Variants in FAM120C observed in about 807,000 individuals in gnomAD.
FAM120C encodes the protein constitutive coactivator of PPAR-gamma-like protein 2.
FAM120C carries 14 observed loss-of-function variants against 71.2 expected under a neutral mutation model. That is an observed-to-expected ratio of 0.20 (90% CI 0.13 to 0.31). The LOEUF is 0.31. FAM120C is among the 10% of genes least tolerant of loss of function. FAM120C has a pLI of 1.00. For missense variants in FAM120C, 500 were observed against 879.0 expected, an observed-to-expected ratio of 0.57 and a Z score of 5.45; for synonymous variants, 354 against 353.2, an observed-to-expected ratio of 1.00 and a Z score of -0.03.
chrX:54,146,682 A>AAATG (rs782058105), intron 4 of FAM120C, among the ~76,000 whole-genome samples: 7 of 111,513 alleles, frequency 6.3e-5, no homozygotes, highest in Non-Finnish European at 9.4e-5. Flanking sequence ...CTCTGTCTCT[A>AAATG]AATGAATGAA....
At chrX:54,111,041 C>T (rs1557125633) in intron 10 of FAM120C, among the ~76,000 whole-genome samples, 1 of 106,826 alleles carries the variant, frequency 9.4e-6, no homozygotes, top group Non-Finnish European at 1.9e-5. Flanking sequence ...GACTGGGTGA[C>T]AGAGCGAGAC....
At chrX:54,107,146 G>T (rs1457790010) in intron 10 of FAM120C, among the ~76,000 whole-genome samples, 2 of 109,547 alleles carry the variant, frequency 1.8e-5, no homozygotes, top group African/African-American at 3.3e-5. Context: ...GCCCAGTCTG[G>T]AGTACAGTGG....
rs1488845146 is a variant in FAM120C at position 54,068,629 on chromosome X, C to CAGGAGAGGAG, written c.*4394_*4403dup. 4.5e-5 allele frequency: 5 copies of CAGGAGAGGAG among 111,472 alleles called. No homozygotes were observed. Among genetic ancestry groups the CAGGAGAGGAG allele is most frequent in the Non-Finnish European group, 1.9e-5 (1 of 53,206 alleles). The allele number at this position is 111,472 out of a possible 1,213,427, so 9.2% of individuals were successfully genotyped here. ...TCCACTAAACACACTGTCAAAAGCA[C>CAGGAGAGGAG]AGGAGAGGAGATAGTAATACAGGAA... is the stretch of plus-strand genomic sequence containing the variant. On this transcript the variant is annotated 3_prime_UTR_variant, in exon 16 of 16. Transcript: ENST00000375180.
intron 11 of FAM120C, 122 bp from the exon 12 acceptor site, chrX:54,088,086 C>T (rs1557122189): frequency 3.7e-6 from 2 of 542,016 alleles, no homozygotes; most frequent in Admixed American, 3.5e-5. Flanking sequence ...TCAATGTAGA[C>T]ATCTCAGTGC....
intron 10 of FAM120C, among the ~76,000 whole-genome samples, chrX:54,113,101 A>C (rs1345047293): frequency 9.0e-6 from 1 of 111,273 alleles, no homozygotes; most frequent in Non-Finnish European, 1.9e-5. Flanking sequence ...TGAACTATAA[A>C]AATCCTAGAA....
rs1025306618 is a variant in FAM120C at position 54,068,775 on chromosome X, A to G, written c.*4258T>C. The G allele has an allele frequency of 3.3e-4, 32 of 96,592 alleles. No individual in the cohort carries two copies. The highest frequency in any genetic ancestry group is 2.8e-3 in the Admixed American group (23 of 8,331). 8.0% of individuals were successfully genotyped at this position (96,592 alleles called of 1,213,427 possible). A position where few individuals can be genotyped will look rare whatever the true frequency, so the allele number is the denominator to read the frequency against. ...TAGTGTGTTATTCTAAAAACAGAAT[A>G]GAACAGAATAGAACAGAATAGAATA... On this transcript the variant is annotated 3_prime_UTR_variant, in exon 16 of 16. Coordinates refer to ENST00000375180, the MANE Select transcript of FAM120C (RefSeq NM_017848.6).
intron 15 of FAM120C, among the ~76,000 whole-genome samples, chrX:54,079,797 CA>C (rs374188582): frequency 6.8e-4 from 63 of 92,639 alleles, no homozygotes; most frequent in Admixed American, 8.4e-4. Flanking sequence ...AACTCCGTCT[CA>C]AAAAAAAAAA....
chrX:54,092,008 G>A (rs1425006972), intron 10 of FAM120C, among the ~76,000 whole-genome samples: 1 of 111,145 alleles, frequency 9.0e-6, no homozygotes, highest in African/African-American at 3.3e-5. Flanking sequence ...CCCAAGACAT[G>A]GCCCAGGATA....
At position 54,072,151 on chromosome X, in the gene FAM120C, GCACACATTCACACACACACACA is replaced by G. The variant is rs1557120114; in HGVS notation, c.*860_*881del. On this transcript the variant is annotated 3_prime_UTR_variant, in exon 16 of 16. Transcript: ENST00000375180. ...AACATCCACCCACACCCACACACAA[GCACACATTCACACACACACACA>G]CACACACACACACACACACACACAC... 2 of 41,537 alleles carry G rather than the reference GCACACATTCACACACACACACA, an allele frequency of 4.8e-5. No homozygotes were observed. Among genetic ancestry groups the G allele is most frequent in the African/African-American group, 7.9e-5 (1 of 12,729 alleles). 3.4% of individuals were successfully genotyped at this position (41,537 alleles called of 1,213,427 possible).
chrX:54,099,953 CTG>C (rs2066873757), intron 10 of FAM120C, among the ~76,000 whole-genome samples: 1 of 111,657 alleles, frequency 9.0e-6, no homozygotes, highest in Non-Finnish European at 1.9e-5. Context: ...AGTCCATTTT[CTG>C]TTGCTTATAA....
At chrX:54,168,592 A>T (rs1046820172) in intron 1 of FAM120C, among the ~76,000 whole-genome samples, 8 of 112,565 alleles carry the variant, frequency 7.1e-5, no homozygotes, top group African/African-American at 1.6e-4. Flanking sequence ...TGAGGATTTT[A>T]AAAATCTGTT....
intron 3 of FAM120C, among the ~76,000 whole-genome samples, chrX:54,154,291 C>T (rs1384681152): frequency 1.8e-5 from 2 of 108,284 alleles, no homozygotes; most frequent in African/African-American, 6.7e-5. Flanking sequence ...TCAGGATGAC[C>T]CCCAAGGATT....
intron 4 of FAM120C, among the ~76,000 whole-genome samples, chrX:54,145,446 C>T (rs1196751274): frequency 9.1e-6 from 1 of 110,345 alleles, no homozygotes; most frequent in Non-Finnish European, 1.9e-5. Context: ...CCAGAATCTA[C>T]AAAGATTTAC....
chrX:54,133,099 C>T (rs1424515688), intron 8 of FAM120C, among the ~76,000 whole-genome samples: 1 of 112,206 alleles, frequency 8.9e-6, no homozygotes, highest in East Asian at 2.8e-4. Flanking sequence ...TGCCTGTAAT[C>T]CCAGCACTTT....
chrX:54,143,492 T>C (rs1310269367), intron 4 of FAM120C, among the ~76,000 whole-genome samples: 2 of 112,716 alleles, frequency 1.8e-5, no homozygotes, highest in East Asian at 2.8e-4. Context: ...ATATCACCAC[T>C]GATCCCACAG....
chrX:54,080,704 C>T (rs1385974382), intron 14 of FAM120C, among the ~76,000 whole-genome samples: 1 of 108,119 alleles, frequency 9.2e-6, no homozygotes, highest in African/African-American at 3.4e-5. Flanking sequence ...TACTAAAATA[C>T]AAAAATTAGC....
At chrX:54,092,355 C>T (rs1557122737) in intron 10 of FAM120C, among the ~76,000 whole-genome samples, 2 of 110,675 alleles carry the variant, frequency 1.8e-5, no homozygotes, top group African/African-American at 6.6e-5. Context: ...ACCAGCCTGG[C>T]CAATGTGGTG....
At chrX:54,138,622 C>T (rs1001548358) in intron 4 of FAM120C, among the ~76,000 whole-genome samples, 28 of 109,463 alleles carry the variant, frequency 2.6e-4, no homozygotes, top group African/African-American at 7.3e-4. Context: ...GCCAGGAGTT[C>T]GAGACCAGCC....
At chrX:54,078,049 T>C (rs1038538211) in intron 15 of FAM120C, among the ~76,000 whole-genome samples, 5 of 96,456 alleles carry the variant, frequency 5.2e-5, no homozygotes, top group African/African-American at 1.8e-4. Flanking sequence ...GTTCACGCCA[T>C]TCTCCTGCCT....
Sources: gnomAD v4.1 joint callset for allele counts (sites outside exome capture counted in the v4.1 genomes callset) on GRCh38, gnomAD v4.1.1 for gene constraint, MANE v1.5 for transcripts, NCBI Gene and HGNC (gene_info 2026-07-23, HGNC 2026-07-21) for gene names.